The following SEMA6D variants were observed in gnomAD, a reference collection of about 807,000 sequenced individuals.
SEMA6D encodes the protein semaphorin-6D.
Under a neutral mutation model 106.6 loss-of-function variants are expected in SEMA6D, and 35 were observed. The ratio of observed to expected loss-of-function variants is 0.33; its 90% CI spans 0.25 to 0.44. The LOEUF (loss-of-function observed/expected upper bound fraction) is 0.44. Among genes scored for constraint, SEMA6D ranks in the 20% least tolerant of loss-of-function variants. The pLI is 1.00. For synonymous variants in SEMA6D, 499 were observed against 487.7 expected (o/e 1.02, Z -0.31); for missense variants, 1,185 against 1,345.9 (o/e 0.88, Z 1.87).
At chr15:47,720,015 A>T (rs942221000) in intron 1 of SEMA6D, among the ~76,000 whole-genome samples, 1 of 152,214 alleles carries the variant, frequency 6.6e-6, no homozygotes, top group Admixed American at 6.5e-5. Context: ...TAGTTCAGCC[A>T]TAGCTGAGTT....
At chr15:47,637,477 C>T (rs955124310) in intron 4 of SEMA6D, among the ~76,000 whole-genome samples, 10 of 152,170 alleles carry the variant, frequency 6.6e-5, no homozygotes, top group African/African-American at 1.9e-4. Context: ...TTTTTTCTAG[C>T]GTATCAATCA....
intron 1 of SEMA6D, among the ~76,000 whole-genome samples, chr15:47,391,318 G>C (rs2040022383): frequency 6.6e-6 from 1 of 152,146 alleles, no homozygotes; most frequent in Non-Finnish European, 1.5e-5. Context: ...TCTTGGGATG[G>C]AAAACATCCT....
chr15:47,196,978 A>G (rs992724948), intron 1 of SEMA6D, among the ~76,000 whole-genome samples: 4 of 152,182 alleles, frequency 2.6e-5, no homozygotes, highest in African/African-American at 9.6e-5. Context: ...TGAACAGGAT[A>G]TACTAGGAGA....
At chr15:47,408,260 C>G (rs1386738298) in intron 1 of SEMA6D, among the ~76,000 whole-genome samples, 1 of 151,986 alleles carries the variant, frequency 6.6e-6, no homozygotes, top group Non-Finnish European at 1.5e-5. Flanking sequence ...GTTATTTATC[C>G]CCACTGAGAC....
At chr15:47,583,227 G>A (rs1408788923) in intron 3 of SEMA6D, among the ~76,000 whole-genome samples, 1 of 152,148 alleles carries the variant, frequency 6.6e-6, no homozygotes, top group Admixed American at 6.5e-5. Context: ...TAGACCTTTT[G>A]TAGAAACTGA....
chr15:47,210,173 A>T (rs1038076813), intron 1 of SEMA6D, among the ~76,000 whole-genome samples: 2 of 152,158 alleles, frequency 1.3e-5, no homozygotes, highest in African/African-American at 4.8e-5. Flanking sequence ...GGGACTTTTC[A>T]CTAGCTTTTA....
At chr15:47,586,353 C>G (rs1483553586) in intron 3 of SEMA6D, among the ~76,000 whole-genome samples, 2 of 152,152 alleles carry the variant, frequency 1.3e-5, no homozygotes, top group Non-Finnish European at 2.9e-5. Flanking sequence ...ATCAAGGATG[C>G]CAGGGAAAAT....
intron 11 of SEMA6D, 66 bp from the exon 12 acceptor site, chr15:47,764,572 C>T (rs756528373): frequency 2.6e-5 from 42 of 1,587,418 alleles, no homozygotes; most frequent in Non-Finnish European, 3.4e-5. Flanking sequence ...ACACTTATTC[C>T]TTAGATACAG....
rs1042408523 is a variant in SEMA6D, at chr15:47,736,964, A to G, written c.-55+19272A>G. On this transcript the variant is annotated intron_variant, in intron 1 of 18. Transcript: ENST00000536845. ...AGAACGGCGGTGATTTTGAATTGGCATGGATCTTTGTGAAAATCAGATTAA... is the reference window on the plus strand; with the variant it reads ...AGAACGGCGGTGATTTTGAATTGGCGTGGATCTTTGTGAAAATCAGATTAA... Among the ~76,000 whole-genome samples the G allele has an allele frequency of 9.2e-4, 140 of 152,304 alleles. 2 individuals are homozygous for G. Among genetic ancestry groups the G allele is most frequent in the Non-Finnish European group, 1.3e-4 (9 of 68,030 alleles).
At chr15:47,632,218 G>T (rs72735825) in intron 4 of SEMA6D, among the ~76,000 whole-genome samples, 1 of 151,762 alleles carries the variant, frequency 6.6e-6, no homozygotes, top group East Asian at 1.9e-4. Flanking sequence ...ATTTTATGGC[G>T]CAAGTTATGG....
chr15:47,353,592 A>G (rs1390876), intron 1 of SEMA6D, among the ~76,000 whole-genome samples: 70,972 of 151,940 alleles, frequency 0.47, 19,695 homozygotes, highest in South Asian at 0.61. Context: ...CTTTAATACC[A>G]TGTTACATCT....
intron 4 of SEMA6D, among the ~76,000 whole-genome samples, chr15:47,635,959 A>G (rs2077380409): frequency 2.8e-4 from 1 of 3,540 alleles, no homozygotes; most frequent in Non-Finnish European, 9.8e-3. Context: ...TTAAATGCTA[A>G]AAAAAAAAAA....
intron 4 of SEMA6D, among the ~76,000 whole-genome samples, chr15:47,669,364 G>A (rs1596581845): frequency 6.6e-6 from 1 of 152,234 alleles, no homozygotes; most frequent in East Asian, 1.9e-4. Context: ...TATGGGCAGG[G>A]CTTCTTTTAT....
At chr15:47,653,068 T>G (rs560182826) in intron 4 of SEMA6D, among the ~76,000 whole-genome samples, 99 of 152,326 alleles carry the variant, frequency 6.5e-4, no homozygotes, top group African/African-American at 2.3e-3. Flanking sequence ...CCAGTTCTCC[T>G]TGGCTAGGAA....
chr15:47,737,874 A>G (rs2080540083), intron 1 of SEMA6D, among the ~76,000 whole-genome samples: 1 of 152,168 alleles, frequency 6.6e-6, no homozygotes, highest in Non-Finnish European at 1.5e-5. Flanking sequence ...ATTTTCTAAA[A>G]TGGTTGTACT....
chr15:47,740,183 G>T (rs750251845), intron 1 of SEMA6D, among the ~76,000 whole-genome samples: 16 of 152,152 alleles, frequency 1.1e-4, no homozygotes, highest in Non-Finnish European at 2.1e-4. Context: ...CAGCCATTTT[G>T]TCAGGTTGGG....
intron 1 of SEMA6D, among the ~76,000 whole-genome samples, chr15:47,300,046 G>A (rs186160652): frequency 2.0e-5 from 3 of 152,314 alleles, no homozygotes; most frequent in African/African-American, 7.2e-5. Context: ...TTAGTTGGGT[G>A]TTAGGGAGCC....
chr15:47,615,550 A>T (rs533620301), intron 4 of SEMA6D, among the ~76,000 whole-genome samples: 1 of 152,298 alleles, frequency 6.6e-6, no homozygotes, highest in African/African-American at 2.4e-5. Flanking sequence ...TTTTGCAAAG[A>T]TGAGGAAGTT....
intron 1 of SEMA6D, among the ~76,000 whole-genome samples, chr15:47,209,044 T>G (rs1895304671): frequency 6.6e-6 from 1 of 152,206 alleles, no homozygotes; most frequent in Non-Finnish European, 1.5e-5. Context: ...AGATATTCTT[T>G]GTTTTCTGCA....
Sources: allele counts gnomAD v4.1 joint callset (sites outside exome capture counted in the v4.1 genomes callset), GRCh38; gene constraint gnomAD v4.1.1; transcripts MANE v1.5; gene names NCBI Gene and HGNC (gene_info 2026-07-23, HGNC 2026-07-21).